Variants in DPYD observed in about 807,000 individuals in gnomAD.
DPYD encodes the protein dihydropyrimidine dehydrogenase, also known as dihydropyrimidine dehydrogenase [NADP(+)].
Under a neutral mutation model 116.2 loss-of-function variants are expected in DPYD, and 109 were observed. The observed-to-expected ratio is 0.94, with a 90% CI of 0.80 to 1.10. The LOEUF (loss-of-function observed/expected upper bound fraction) is 1.10. Among genes scored for constraint, DPYD ranks in the 50% least tolerant of loss-of-function variants. DPYD has a pLI of 0.00. For synonymous variants in DPYD, 440 were observed against 432.0 expected (o/e 1.02, Z -0.23); for missense variants, 1,302 against 1,254.5 (o/e 1.04, Z -0.57).
Position 97,845,153 on chromosome 1 carries a change from G to A in DPYD, c.151-16957C>T, listed in dbSNP as rs144529785. 1.8e-4 allele frequency among the ~76,000 whole-genome samples: 28 copies of A among 152,272 alleles called. No homozygotes were observed. In the East Asian group the frequency reaches 4.4e-3, roughly 24 times the overall value. On this transcript the variant is annotated intron_variant, in intron 2 of 22. Transcript: ENST00000370192. Reference sequence around the variant, plus strand: ...GACAGCCTCAAGCATGGAAAGGGGCGGGTCCCCAGTGAAGCCCCACCTTCA... The same window carrying A: ...GACAGCCTCAAGCATGGAAAGGGGCAGGTCCCCAGTGAAGCCCCACCTTCA...
At chr1:97,808,509 C>A (rs1668189163) in intron 3 of DPYD, among the ~76,000 whole-genome samples, 1 of 152,048 alleles carries the variant, frequency 6.6e-6, no homozygotes, top group Non-Finnish European at 1.5e-5. Context: ...TTGATTAGTT[C>A]TAGGAAATTT....
At chr1:97,782,163 C>T (rs1047694507) in intron 3 of DPYD, among the ~76,000 whole-genome samples, 1 of 152,142 alleles carries the variant, frequency 6.6e-6, no homozygotes, top group African/African-American at 2.4e-5. Context: ...CTTCCTCATC[C>T]TCTCACACTA....
intron 12 of DPYD, among the ~76,000 whole-genome samples, chr1:97,520,014 A>C (rs1648524480): frequency 6.6e-6 from 1 of 152,170 alleles, no homozygotes; most frequent in Admixed American, 6.6e-5. Flanking sequence ...AAAATGCATT[A>C]ACTTCCCCAT....
chr1:97,526,167 C>G (rs1363394869), intron 12 of DPYD, among the ~76,000 whole-genome samples: 1 of 152,062 alleles, frequency 6.6e-6, no homozygotes, highest in African/African-American at 2.4e-5. Flanking sequence ...ATGAATTGGC[C>G]TCAGATACTT....
chr1:97,130,245 A>G (rs926940327), intron 20 of DPYD, among the ~76,000 whole-genome samples: 2 of 152,204 alleles, frequency 1.3e-5, no homozygotes, highest in Admixed American at 6.5e-5. Context: ...AATTCTTTCC[A>G]TGGTTACGAG....
intron 12 of DPYD, among the ~76,000 whole-genome samples, chr1:97,532,829 T>G (rs1250577113): frequency 6.6e-6 from 1 of 151,988 alleles, no homozygotes; most frequent in Non-Finnish European, 1.5e-5. Flanking sequence ...GATTTTGTTC[T>G]ATTGTATTTT....
At chr1:97,781,785 A>AT (rs1335214857) in intron 3 of DPYD, among the ~76,000 whole-genome samples, 1 of 152,208 alleles carries the variant, frequency 6.6e-6, no homozygotes, top group Non-Finnish European at 1.5e-5. Flanking sequence ...GTCAACTCAC[A>AT]TTTTTTCTAT....
chr1:97,156,947 A>G (rs887213382), intron 20 of DPYD, among the ~76,000 whole-genome samples: 10 of 151,726 alleles, frequency 6.6e-5, no homozygotes, highest in African/African-American at 1.2e-4. Flanking sequence ...ATAAAAAATG[A>G]TGAGTTCATG....
At chr1:97,366,191 T>C (rs985311005) in intron 16 of DPYD, among the ~76,000 whole-genome samples, 1 of 152,332 alleles carries the variant, frequency 6.6e-6, no homozygotes, top group Admixed American at 6.5e-5. Context: ...GTAGTTTATC[T>C]ACTTATGTAA....
intron 13 of DPYD, among the ~76,000 whole-genome samples, chr1:97,499,551 A>G (rs1443673069): frequency 1.3e-5 from 2 of 151,796 alleles, no homozygotes; most frequent in Non-Finnish European, 2.9e-5. Context: ...TACAACTTCA[A>G]ATTCTCCTTG....
intron 3 of DPYD, among the ~76,000 whole-genome samples, chr1:97,820,997 TATTCA>T (rs1668896948): frequency 6.6e-6 from 1 of 152,254 alleles, no homozygotes; most frequent in South Asian, 2.1e-4. Context: ...TTTCTCAAGT[TATTCA>T]ATTCAAGTAC....
chr1:97,543,800 G>T (rs56680001), intron 12 of DPYD, among the ~76,000 whole-genome samples: 2,371 of 152,112 alleles, frequency 0.016, 65 homozygotes, highest in African/African-American at 0.054. Context: ...TTATTTTGAG[G>T]GTACAGCAAT....
chr1:97,683,566 T>A (rs1267351973), intron 7 of DPYD, among the ~76,000 whole-genome samples: 1 of 151,974 alleles, frequency 6.6e-6, no homozygotes. Context: ...TTTATACTTT[T>A]AACTTTGAAA....
chr1:97,763,588 T>G (rs986072917), intron 3 of DPYD, among the ~76,000 whole-genome samples: 2 of 152,036 alleles, frequency 1.3e-5, no homozygotes, highest in Admixed American at 6.6e-5. Flanking sequence ...CATACTCTTG[T>G]TTCCTAGTCT....
At chr1:97,244,069 CTA>C (rs1193865165) in intron 18 of DPYD, among the ~76,000 whole-genome samples, 2 of 151,820 alleles carry the variant, frequency 1.3e-5, no homozygotes, top group South Asian at 2.1e-4. Flanking sequence ...AAATTTGTCA[CTA>C]GAGAGAAAAA....
intron 2 of DPYD, among the ~76,000 whole-genome samples, chr1:97,856,992 C>A (rs938338754): frequency 6.6e-6 from 1 of 152,132 alleles, no homozygotes; most frequent in East Asian, 1.9e-4. Flanking sequence ...TCCCCAGTAG[C>A]AGGTACTGAG....
intron 8 of DPYD, among the ~76,000 whole-genome samples, chr1:97,609,936 T>C (rs979895242): frequency 1.3e-5 from 2 of 152,034 alleles, no homozygotes; most frequent in Admixed American, 1.3e-4. Context: ...AAATGGCGTC[T>C]TGTAAAAGTA....
At chr1:97,310,809 A>G (rs979267282) in intron 16 of DPYD, among the ~76,000 whole-genome samples, 1 of 151,810 alleles carries the variant, frequency 6.6e-6, no homozygotes, top group Admixed American at 6.6e-5. Context: ...GAATACTCAC[A>G]GAAACTTTTT....
chr1:97,264,628 A>T (rs1664114491), intron 18 of DPYD, among the ~76,000 whole-genome samples: 1 of 152,096 alleles, frequency 6.6e-6, no homozygotes. Context: ...ACAGTAATAA[A>T]TTTTTCCATC....
Sources: gnomAD v4.1 joint callset for allele counts (sites outside exome capture counted in the v4.1 genomes callset) on GRCh38, gnomAD v4.1.1 for gene constraint, MANE v1.5 for transcripts, NCBI Gene and HGNC (gene_info 2026-07-23, HGNC 2026-07-21) for gene names.